TPD52L2: variants seen among roughly 807,000 people sequenced by gnomAD.
The protein encoded by TPD52L2 is TPD52 like 2.
TPD52L2 carries 19 observed loss-of-function variants against 24.7 expected under a neutral mutation model. The observed-to-expected ratio is 0.77, with a 90% CI of 0.54 to 1.13. The LOEUF is 1.13. Among genes scored for constraint, TPD52L2 ranks in the 50% most tolerant of loss-of-function variants. TPD52L2 has a pLI of 0.00. For missense variants in TPD52L2, 236 were observed against 250.4 expected (o/e 0.94, Z 0.39); for synonymous variants, 104 against 100.2 (o/e 1.04, Z -0.23).
chr20:63,867,711 C>G (rs1462192796), intron 1 of TPD52L2, among the ~76,000 whole-genome samples: 1 of 151,738 alleles, frequency 6.6e-6, no homozygotes, highest in Non-Finnish European at 1.5e-5. Context: ...AGAAGAGTAT[C>G]TTTGTTAAGT....
At chr20:63,888,738 G>A in intron 5 of TPD52L2, 1 of 184,752 alleles carries the variant, frequency 5.4e-6, no homozygotes, top group Non-Finnish European at 1.1e-5. Context: ...TCCCTGTAGG[G>A]GACAGCAGAG....
chr20:63,873,600 T>C (rs536808214), intron 2 of TPD52L2, 68 bp from the exon 3 acceptor site: 5 of 1,543,290 alleles, frequency 3.2e-6, no homozygotes, highest in Non-Finnish European at 4.4e-6. Context: ...CTCATGGCAC[T>C]GTGCATGAGG....
At chr20:63,866,067 G>A (rs2052215543) in intron 1 of TPD52L2, among the ~76,000 whole-genome samples, 1 of 152,114 alleles carries the variant, frequency 6.6e-6, no homozygotes. Context: ...TGCATTTTGG[G>A]GCTCTAGAGA....
rs116286668 is a variant in TPD52L2 at position 63,886,132 on chromosome 20, G to C, written c.477-3058G>C. The C allele has an allele frequency of 2.0e-3, 2,675 of 1,310,824 alleles. 49 individuals carry two copies. In the African/African-American group the frequency reaches 0.033, roughly 16 times the overall value. The allele number at this position is 1,310,824 out of a possible 1,614,324, so 81.2% of individuals were successfully genotyped here. Reference sequence around the variant, plus strand: ...GCAGGGCCCTTGGGCGGCTGTGCTAGTAGAGGGCAGTGAAAGTGGGATCAC... The same window carrying C: ...GCAGGGCCCTTGGGCGGCTGTGCTACTAGAGGGCAGTGAAAGTGGGATCAC... On this transcript the variant is annotated intron_variant, in intron 5 of 6. Transcript: ENST00000346249.
intron 5 of TPD52L2, among the ~76,000 whole-genome samples, chr20:63,886,246 A>AC (rs1430019291): frequency 7.9e-5 from 12 of 151,120 alleles, no homozygotes; most frequent in South Asian, 2.1e-4. Context: ...GCCCCCCGGA[A>AC]CCCCCCGGCC....
chr20:63,890,889 C>G lies in TPD52L2; in HGVS notation c.*944C>G, dbSNP rs541577910. ...GGGAGGGGCCAAGAGAAGGAAAACC[C>G]TGTCTTTAGCACCCTTTAAAAGAAC... is the stretch of plus-strand genomic sequence containing the variant. On this transcript the variant is annotated 3_prime_UTR_variant, in exon 7 of 7. Transcript: ENST00000346249. The G allele has an allele frequency of 3.3e-5, 5 of 152,568 alleles. No individual in the cohort carries two copies. The highest frequency in any genetic ancestry group is 1.2e-4 in the African/African-American group (5 of 41,586). 9.5% of individuals were successfully genotyped at this position (152,568 alleles called of 1,614,324 possible).
At chr20:63,885,897 G>A (rs1425542274) in intron 5 of TPD52L2, 1 of 1,031,596 alleles carries the variant, frequency 9.7e-7, no homozygotes, top group Non-Finnish European at 1.5e-6. Context: ...TCCCCTGCTG[G>A]GCCTGACTGA....
At position 63,890,360 on chromosome 20, in the gene TPD52L2, A is replaced by G. The variant is rs977952728; in HGVS notation, c.*415A>G. On this transcript the variant is annotated 3_prime_UTR_variant, in exon 7 of 7. Transcript: ENST00000346249. ...TCCTCCTCCTTCCCTGACTCACAGA[A>G]GGAATGCAATCACCCAGCAAGTCCT... 3 of 222,660 alleles carry G rather than the reference A, an allele frequency of 1.3e-5. No individual in the cohort carries two copies. 13.8% of individuals were successfully genotyped at this position (222,660 alleles called of 1,614,324 possible). A position where few individuals can be genotyped will look rare whatever the true frequency, so the allele number is the denominator to read the frequency against.
At chr20:63,882,141 T>C (rs537415191) in intron 4 of TPD52L2, among the ~76,000 whole-genome samples, 3 of 152,336 alleles carry the variant, frequency 2.0e-5, no homozygotes, top group African/African-American at 7.2e-5. Context: ...AGGGGCACCT[T>C]GCGGGCTGCA....
intron 3 of TPD52L2, among the ~76,000 whole-genome samples, chr20:63,874,206 C>G (rs1203923962): frequency 6.7e-6 from 1 of 149,092 alleles, no homozygotes; most frequent in African/African-American, 2.5e-5. Context: ...CGCCTCCCAC[C>G]GCGCCCGGCT....
chr20:63,868,117 T>G (rs1022937197), intron 1 of TPD52L2, among the ~76,000 whole-genome samples: 2 of 152,178 alleles, frequency 1.3e-5, no homozygotes, highest in African/African-American at 4.8e-5. Flanking sequence ...TTCACCATTT[T>G]GGTCAAGCTG....
chr20:63,871,325 G>C lies in TPD52L2; in HGVS notation c.165+1884G>C, dbSNP rs150411466. Among the ~76,000 whole-genome samples, 103 of 149,806 alleles carry C rather than the reference G, an allele frequency of 6.9e-4. 1 individual carries two copies. The East Asian group carries it at 0.018, about 26-fold the overall frequency. On this transcript the variant is annotated intron_variant, in intron 2 of 6. Transcript: ENST00000346249. Reference sequence around the variant, plus strand: ...CCCGAAGTGCTAGGATTACAAATGCGAGCCGCTGTACCCAGCCAAGAAAGA... The same window carrying C: ...CCCGAAGTGCTAGGATTACAAATGCCAGCCGCTGTACCCAGCCAAGAAAGA...
intron 2 of TPD52L2, among the ~76,000 whole-genome samples, chr20:63,872,780 C>T (rs1441806661): frequency 4.7e-5 from 7 of 150,336 alleles, no homozygotes; most frequent in African/African-American, 9.8e-5. Context: ...TTGGCTCACC[C>T]GCAAGCTCTG....
intron 1 of TPD52L2, among the ~76,000 whole-genome samples, chr20:63,868,023 C>A (rs1221370438): frequency 6.6e-6 from 1 of 151,666 alleles, no homozygotes; most frequent in African/African-American, 2.4e-5. Context: ...AAGTGATTCT[C>A]CTGCCTCAGC....
At chr20:63,887,785 G>A (rs745777364) in intron 5 of TPD52L2, 117 of 643,384 alleles carry the variant, frequency 1.8e-4, no homozygotes, top group Middle Eastern at 8.3e-4. Flanking sequence ...ACGAGGAAGA[G>A]CTGGTAGGGG....
rs1173315391 is a variant in TPD52L2, at chr20:63,889,774, AGCATGGGCCTGGGATCT to A, written c.526-73_526-57del. 3.6e-6 allele frequency: 5 copies of A among 1,403,796 alleles called. 1 individual carries two copies. Among genetic ancestry groups the A allele is most frequent in the Non-Finnish European group, 4.9e-6 (5 of 1,011,514 alleles). The allele number at this position is 1,403,796 out of a possible 1,614,324, so 87.0% of individuals were successfully genotyped here. A position where few individuals can be genotyped will look rare whatever the true frequency, so the allele number is the denominator to read the frequency against. ...TTACATAAGCTTTTGTAGAGCATTG[AGCATGGGCCTGGGATCT>A]GCCTTGTGTTGTGTGCTCTGTCTCA... On this transcript the variant is annotated intron_variant, in intron 6 of 6. Transcript: ENST00000346249.
chr20:63,889,663 C>A (rs2053261245), intron 6 of TPD52L2, among the ~76,000 whole-genome samples, 187 bp from the exon 7 acceptor site: 1 of 152,212 alleles, frequency 6.6e-6, no homozygotes, highest in South Asian at 2.1e-4. Flanking sequence ...CATTCACTGT[C>A]TTCATTTGGC....
rs1393452211 is a variant in TPD52L2 at position 63,889,865 on chromosome 20, G to A, written c.541G>A (p.Asp181Asn). 5 of 1,614,052 alleles carry A rather than the reference G, an allele frequency of 3.1e-6. No individual in the cohort carries two copies. Among genetic ancestry groups the A allele is most frequent in the Non-Finnish European group, 3.4e-6 (4 of 1,180,014 alleles). The change falls in exon 7 of 7, where the codon GAC (aspartate) becomes AAC (asparagine). Residue 181 changes from aspartate to asparagine, a missense_variant. Asp to Asn is a conservative substitution (Grantham distance 23, BLOSUM62 1). Coordinates refer to ENST00000346249, the MANE Select transcript of TPD52L2 (RefSeq NM_003288.4). ...TCTCCTGTAGTCTAAGGTTGTGGGT[G>A]ACAGAGAGAACGGCAGTGACAACCT... ...VGTIKSKVVG[D>N]RENGSDNLPS...
chr20:63,870,523 T>G (rs2052419971), intron 2 of TPD52L2, among the ~76,000 whole-genome samples: 3 of 129,168 alleles, frequency 2.3e-5, no homozygotes, highest in African/African-American at 6.0e-5. Flanking sequence ...AGGTGAAGTT[T>G]TTTTTTTTTT....
Sources: gnomAD v4.1 joint callset for allele counts (sites outside exome capture counted in the v4.1 genomes callset) on GRCh38, gnomAD v4.1.1 for gene constraint, MANE v1.5 for transcripts, NCBI Gene and HGNC (gene_info 2026-07-23, HGNC 2026-07-21) for gene names.